Variants in FBXO27 observed in about 807,000 individuals in gnomAD.
FBXO27 encodes the protein F-box protein 27.
A neutral mutation model predicts 28.3 loss-of-function variants in FBXO27; 28 were observed. That is an observed-to-expected ratio of 0.99 (90% CI 0.73 to 1.36). FBXO27 has a LOEUF of 1.36. Ranked by LOEUF, FBXO27 falls within the 40% of genes most tolerant of loss-of-function variation. The pLI is 0.00. For missense variants in FBXO27, 388 were observed against 394.1 expected, an observed-to-expected ratio of 0.98 and a Z score of 0.13; for synonymous variants, 175 against 167.3, an observed-to-expected ratio of 1.05 and a Z score of -0.36.
At chr19:39,007,214 C>CT in intron 2 of FBXO27, among the ~76,000 whole-genome samples, 1 of 152,258 alleles carries the variant, frequency 6.6e-6, no homozygotes, top group East Asian at 1.9e-4. Flanking sequence ...CAGCCTGGGC[C>CT]TCCAGCCCTA....
chr19:39,017,149 G>A (rs916474262), intron 1 of FBXO27, among the ~76,000 whole-genome samples: 3 of 152,102 alleles, frequency 2.0e-5, no homozygotes, highest in Admixed American at 2.0e-4. Context: ...AGATTGCGTC[G>A]CTCTTTTTAC....
downstream of FBXO27, among the ~76,000 whole-genome samples, chr19:39,023,001 C>T (rs955009924): frequency 4.6e-5 from 7 of 151,644 alleles, no homozygotes; most frequent in Middle Eastern, 3.4e-3. Context: ...GATGGGGTTT[C>T]GCCATATTGG....
At position 39,032,365 on chromosome 19, in the gene FBXO27, C is replaced by A; in HGVS notation, c.-26-112G>T. ...CCCCGTCTTCACCATCCCTGGGCCC[C>A]GTCCCCAAGTCCCCATCCCCCAGCC... On this transcript the variant is annotated intron_variant, in intron 1 of 5. Transcript: ENST00000292853. The surrounding 1 kb of genome is among the most constrained non-coding windows in gnomAD (Gnocchi z 4.7). 1 of 1,243,760 alleles carries A rather than the reference C, an allele frequency of 8.0e-7. No individual in the cohort carries two copies. The highest frequency in any genetic ancestry group is 1.0e-6 in the Non-Finnish European group (1 of 958,070). 77.0% of individuals were successfully genotyped at this position (1,243,760 alleles called of 1,614,324 possible). A position where few individuals can be genotyped will look rare whatever the true frequency, so the allele number is the denominator to read the frequency against.
intron 4 of FBXO27, 91 bp downstream of exon 4, chr19:39,030,938 G>T: frequency 9.6e-7 from 1 of 1,041,098 alleles, no homozygotes; most frequent in Non-Finnish European, 1.5e-6. Context: ...TGTAAGGAGG[G>T]GTTAGGAGGC....
intron 2 of FBXO27, chr19:39,031,525 C>T: frequency 1.6e-6 from 1 of 622,740 alleles, no homozygotes; most frequent in Non-Finnish European, 2.8e-6. Context: ...GCAGCAAAGC[C>T]CTGCCCCTCC....
chr19:39,030,009 T>C (rs1198169077), intron 4 of FBXO27, among the ~76,000 whole-genome samples: 1 of 152,164 alleles, frequency 6.6e-6, no homozygotes, highest in Non-Finnish European at 1.5e-5. Flanking sequence ...GCCCAGCTAA[T>C]TTTTTGTATT....
Position 39,025,504 on chromosome 19 carries a change from G to GA in FBXO27, c.758dup (p.Glu254ArgfsTer42). The stretch of plus-strand genomic sequence containing the variant: ...ACTGTGTGTCCTGGCCCCGGTGTTC[G>GA]AAAGACACAAAGCGGACGCCCATCT... On this transcript the variant is annotated frameshift_variant, in exon 6 of 6. Coordinates refer to ENST00000292853, the MANE Select transcript of FBXO27 (RefSeq NM_178820.5). LOFTEE classifies it low-confidence loss of function (END_TRUNC). The GA allele has an allele frequency of 6.2e-7, 1 of 1,614,134 alleles. No homozygotes were observed. The highest frequency in any genetic ancestry group is 8.5e-7 in the Non-Finnish European group (1 of 1,180,024).
intron 1 of FBXO27, chr19:39,014,696 A>C (rs1600223435): frequency 5.8e-6 from 1 of 172,298 alleles, no homozygotes; most frequent in East Asian, 1.7e-4. Flanking sequence ...ATTGTACTCC[A>C]GCTTGGGTAA....
chr19:39,016,163 T>C (rs189691473), intron 1 of FBXO27, among the ~76,000 whole-genome samples: 2 of 152,272 alleles, frequency 1.3e-5, no homozygotes, highest in Admixed American at 1.3e-4. Flanking sequence ...AGAGGACTTT[T>C]AGGGCAGTGA....
In FBXO27 at chr19:39,031,083, C is replaced by A. The variant is rs1016232677; in HGVS notation, c.518G>T (p.Gly173Val). ...KKQVLDLEEE[G>V]LWPELLDSGR... ...ACTATCCAGCAGTTCTGGCCACAGA[C>A]CCTCCTCCTCTAGGTCCAAGACCTG... is the stretch of plus-strand genomic sequence containing the variant. Residue 173 changes from glycine to valine, a missense_variant, in exon 4 of 6, where the codon GGT becomes GTT. By Grantham distance (109) the Gly-to-Val change is moderately radical. Transcript: ENST00000292853. 6.2e-7 allele frequency: 1 copy of A among 1,614,158 alleles called. No individual in the cohort carries two copies. The highest frequency in any genetic ancestry group is 1.1e-5 in the South Asian group (1 of 91,080).
chr19:39,018,499 A>T (rs1322799229), intron 1 of FBXO27, among the ~76,000 whole-genome samples: 1 of 152,032 alleles, frequency 6.6e-6, no homozygotes, highest in Non-Finnish European at 1.5e-5. Context: ...GCAATATCGT[A>T]AACCCTGAAT....
rs1479737378 is a variant in FBXO27, at chr19:39,032,100, G to T, written c.128C>A (p.Pro43Gln). ...LLLVVLSHVP[P>Q]RTLLGRCRQV... is the part of the protein sequence containing the mutation. The stretch of plus-strand genomic sequence containing the variant: ...GCGGCAGCGCCCGAGCAGCGTGCGC[G>T]GGGGGACGTGGCTCAGCACCACCAG... The change falls in exon 2 of 6, where the codon CCG becomes CAG. Residue 43 changes from proline (P) to glutamine (Q), a missense_variant. Physicochemically the swap from Pro to Gln is moderately conservative, Grantham distance 76 (BLOSUM62 -1). Coordinates refer to ENST00000292853, the MANE Select transcript of FBXO27 (RefSeq NM_178820.5). This position sits in a 1 kb window ranked among gnomAD's most constrained non-coding sequence, Gnocchi z 4.7. The T allele has an allele frequency of 2.0e-6, 3 of 1,528,906 alleles. No homozygotes were observed. The highest frequency in any genetic ancestry group is 1.4e-5 in the African/African-American group (1 of 69,074). The allele number at this position is 1,528,906 out of a possible 1,614,324, so 94.7% of individuals were successfully genotyped here.
Position 39,031,223 on chromosome 19 carries a change from G to A in FBXO27, c.462C>T (p.Phe154=), listed in dbSNP as rs1486464560. 5 of 1,613,990 alleles carry A rather than the reference G, an allele frequency of 3.1e-6. No homozygotes were observed. The African/African-American group carries it at 6.7e-5, about 22-fold the overall frequency. Residue 154 remains phenylalanine, a synonymous_variant, in exon 3 of 6, where the codon TTC becomes TTT. Transcript: ENST00000292853. ...GGGGCATTCACCTGAATGAAGTCACGAAGCACGTCTGAGAAGGGGCCCCAG... is the reference window on the plus strand; with the variant it reads ...GGGGCATTCACCTGAATGAAGTCACAAAGCACGTCTGAGAAGGGGCCCCAG... ...TVPGAPSQTC[F]VTSFSWCCKK...
chr19:39,016,632 A>T (rs1215240878), intron 1 of FBXO27, among the ~76,000 whole-genome samples: 1 of 151,422 alleles, frequency 6.6e-6, no homozygotes, highest in Non-Finnish European at 1.5e-5. Flanking sequence ...AAAAAACAAA[A>T]ATTAGCTGGG....
At position 39,032,323 on chromosome 19, in the gene FBXO27, G is replaced by A; in HGVS notation, c.-26-70C>T. On this transcript the variant is annotated intron_variant, in intron 1 of 5. Transcript: ENST00000292853. This position sits in a 1 kb window ranked among gnomAD's most constrained non-coding sequence, Gnocchi z 4.7. ...GCGGCGCGCAGCCTCTGCCTGCCCTGATTCTGCCAGCCGCACCCCCGTCTT... is the reference window on the plus strand; with the variant it reads ...GCGGCGCGCAGCCTCTGCCTGCCCTAATTCTGCCAGCCGCACCCCCGTCTT... 1.5e-6 allele frequency: 2 copies of A among 1,359,222 alleles called. No individual in the cohort carries two copies. Among genetic ancestry groups the A allele is most frequent in the Non-Finnish European group, 1.9e-6 (2 of 1,061,276 alleles). The allele number at this position is 1,359,222 out of a possible 1,614,324, so 84.2% of individuals were successfully genotyped here. A position where few individuals can be genotyped will look rare whatever the true frequency, so the allele number is the denominator to read the frequency against.
At chr19:39,021,955 C>A (rs2072847117), downstream of FBXO27, among the ~76,000 whole-genome samples, 1 of 152,004 alleles carries the variant, frequency 6.6e-6, no homozygotes. Context: ...GCCACCACAT[C>A]CGGCTATCCT....
Position 39,032,118 on chromosome 19 carries a change from AC to A in FBXO27, c.109del (p.Val37CysfsTer2). The A allele has an allele frequency of 1.3e-6, 2 of 1,535,146 alleles. No individual in the cohort carries two copies. The highest frequency in any genetic ancestry group is 1.2e-5 in the South Asian group (1 of 81,124). ...CGTGCGCGGGGGGACGTGGCTCAGC[AC>A]CACCAGAAGCAGCTCTGGGGGTAGT... Reference protein sequence around the residue: ...SQLPPELLLVVLSHVPPRTLL... With the variant: ...SQLPPELLLVXLSHVPPRTLL... On this transcript the variant is annotated frameshift_variant, in exon 2 of 6. Transcript: ENST00000292853. LOFTEE classifies it high-confidence loss of function. This position sits in a 1 kb window ranked among gnomAD's most constrained non-coding sequence, Gnocchi z 4.7.
chr19:39,024,069 G>A lies in FBXO27; in HGVS notation c.*1342C>T, dbSNP rs2072858775. The stretch of plus-strand genomic sequence containing the variant: ...TACATATGATTGGCAGATACATGCT[G>A]CTGATATATTATTCTTACTGTTTGA... On this transcript the variant is annotated 3_prime_UTR_variant, in exon 6 of 6. Coordinates refer to ENST00000292853, the MANE Select transcript of FBXO27 (RefSeq NM_178820.5). 1 of 152,058 alleles carries A rather than the reference G, an allele frequency of 6.6e-6. No individual in the cohort carries two copies. The highest frequency in any genetic ancestry group is 6.6e-5 in the Admixed American group (1 of 15,248). 9.4% of individuals were successfully genotyped at this position (152,058 alleles called of 1,614,324 possible).
At chr19:39,011,033 C>T (rs559423906) in intron 2 of FBXO27, among the ~76,000 whole-genome samples, 1 of 152,334 alleles carries the variant, frequency 6.6e-6, no homozygotes, top group African/African-American at 2.4e-5. Context: ...AATCCTCCAA[C>T]TTTGTTCTTT....
Sources: gnomAD v4.1 joint callset for allele counts (sites outside exome capture counted in the v4.1 genomes callset) on GRCh38, gnomAD v4.1.1 for gene constraint, Gnocchi (gnomAD v3.1) non-coding constraint, MANE v1.5 for transcripts, NCBI Gene and HGNC (gene_info 2026-07-23, HGNC 2026-07-21) for gene names.